Variants in DDB1 observed in about 807,000 individuals in gnomAD.
DDB1 encodes the protein damage specific DNA binding protein 1.
A neutral mutation model predicts 133.1 loss-of-function variants in DDB1; 18 were observed. The observed-to-expected ratio is 0.14, with a 90% CI of 0.09 to 0.20. The LOEUF is 0.20. Among genes scored for constraint, DDB1 ranks in the 10% least tolerant of loss-of-function variants. The probability of loss-of-function intolerance (pLI) is 1.00; values close to 1 mark genes in which losing one functional copy is unlikely to be tolerated. For synonymous variants in DDB1, 580 were observed against 550.5 expected, an observed-to-expected ratio of 1.05 and a Z score of -0.75; for missense variants, 828 against 1,459.2, an observed-to-expected ratio of 0.57 and a Z score of 7.05.
chr11:61,316,321 G>C lies in DDB1; in HGVS notation c.1374C>G (p.Phe458Leu), dbSNP rs1348060698. The change falls in exon 12 of 27, where the codon TTC becomes TTG. Residue 458 changes from phenylalanine to leucine, a missense_variant. Physicochemically the swap from Phe to Leu is conservative, Grantham distance 22. Transcript: ENST00000301764. ...LMGFVDDQQT[F>L]FCGNVAHQQL... is the part of the protein sequence containing the mutation. ...GCTGATGAGCCACGTTGCCACAGAAGAAAGTCTGCTGATCATCCACGAAAC... is the reference window on the plus strand; with the variant it reads ...GCTGATGAGCCACGTTGCCACAGAACAAAGTCTGCTGATCATCCACGAAAC... 2 of 1,614,184 alleles carry C rather than the reference G, an allele frequency of 1.2e-6. No individual in the cohort carries two copies. Among genetic ancestry groups the C allele is most frequent in the South Asian group, 2.2e-5 (2 of 91,074 alleles).
intron 6 of DDB1, 109 bp downstream of exon 6, chr11:61,325,502 G>T: frequency 1.2e-6 from 1 of 857,010 alleles, no homozygotes; most frequent in Non-Finnish European, 1.8e-6. Flanking sequence ...ATAGTAAATT[G>T]TGTAACAGGC....
At position 61,304,009 on chromosome 11, in the gene DDB1, C is replaced by T. The variant is rs1473415161; in HGVS notation, c.2688G>A (p.Glu896=). 1.2e-6 allele frequency: 2 copies of T among 1,614,062 alleles called. No homozygotes were observed. Among genetic ancestry groups the T allele is most frequent in the Non-Finnish European group, 1.7e-6 (2 of 1,180,032 alleles). The part of the protein sequence containing the change: ...STVRLYEWTT[E]KELRTECNHY... ...GGTTGCACTCAGTGCGCAGCTCCTT[C>T]TCTGTTGTCCACTCATAGAGCCGCA... The change falls in exon 22 of 27, where the codon GAG becomes GAA. Residue 896 remains glutamate, a synonymous_variant. Coordinates refer to ENST00000301764, the MANE Select transcript of DDB1 (RefSeq NM_001923.5).
chr11:61,312,064 C>A lies in DDB1; in HGVS notation c.2090G>T (p.Ser697Ile). 4 of 1,614,188 alleles carry A rather than the reference C, an allele frequency of 2.5e-6. No homozygotes were observed. Among genetic ancestry groups the A allele is most frequent in the Non-Finnish European group, 3.4e-6 (4 of 1,180,042 alleles). ...ATCGATGGTGCCAATGGTGAGGGTG[C>A]TATTGTTGGCCAGCGCCAGGCTGGA... ...YPDSLALANN[S>I]TLTIGTIDEI... Residue 697 changes from serine to isoleucine, a missense_variant, in exon 17 of 27, where the codon AGC becomes ATC. Ser to Ile is a moderately radical substitution (Grantham distance 142). Coordinates refer to ENST00000301764, the MANE Select transcript of DDB1 (RefSeq NM_001923.5).
rs1284502730 is a variant in DDB1 at position 61,324,818 on chromosome 11, T to C, written c.763-681A>G. Reference sequence around the variant, plus strand: ...TAATTTATCAATATATTACTTTATATGACTTGAGCCCTGAAAACATTACAT... The same window carrying C: ...TAATTTATCAATATATTACTTTATACGACTTGAGCCCTGAAAACATTACAT... On this transcript the variant is annotated intron_variant, in intron 6 of 26. Transcript: ENST00000301764. 2.6e-5 allele frequency among the ~76,000 whole-genome samples: 4 copies of C among 152,240 alleles called. No homozygotes were observed. The East Asian group carries it at 5.8e-4, about 22-fold the overall frequency.
At position 61,316,512 on chromosome 11, in the gene DDB1, G is replaced by A; in HGVS notation, c.1281C>T (p.Leu427=). The part of the protein sequence containing the change: ...PNRETDDTLV[L]SFVGQTRVLM... ...CTTACCTTGTCTGGCCCACAAAAGA[G>A]AGCACCAAAGTGTCATCAGTCTCAC... Residue 427 remains leucine, a synonymous_variant, in exon 11 of 27, where the codon CTC becomes CTT. Transcript: ENST00000301764. 6.2e-7 allele frequency: 1 copy of A among 1,614,140 alleles called. No individual in the cohort carries two copies. The highest frequency in any genetic ancestry group is 8.5e-7 in the Non-Finnish European group (1 of 1,180,026).
intron 7 of DDB1, chr11:61,323,593 T>C (rs966218383): frequency 4.0e-6 from 1 of 248,418 alleles, no homozygotes; most frequent in African/African-American, 2.2e-5. Flanking sequence ...TTGTACTTTT[T>C]GTAGAGATGG....
chr11:61,317,304 AG>A (rs1458976033), intron 10 of DDB1, among the ~76,000 whole-genome samples: 34 of 151,576 alleles, frequency 2.2e-4, no homozygotes, highest in Admixed American at 5.9e-4. Flanking sequence ...TAGTAGAGAC[AG>A]GGTTTCACCA....
chr11:61,301,175 T>C, intron 25 of DDB1: 1 of 499,112 alleles, frequency 2.0e-6, no homozygotes, highest in Non-Finnish European at 3.5e-6. Flanking sequence ...GATCAGAGTC[T>C]ATTAATGTGA....
In DDB1 at chr11:61,302,385, C is replaced by G. The variant is rs766161677; in HGVS notation, c.3113-26G>C. ...CTGAAGAAGTGAAGGAGGCAGTGAG[C>G]TGCAGAGAGCTCAACCCCACAGCAT... On this transcript the variant is annotated intron_variant, in intron 24 of 26. Coordinates refer to ENST00000301764, the MANE Select transcript of DDB1 (RefSeq NM_001923.5). The G allele has an allele frequency of 5.6e-6, 9 of 1,609,410 alleles. No homozygotes were observed. In the South Asian group the frequency reaches 9.9e-5, roughly 18 times the overall value.
chr11:61,324,200 T>C, intron 6 of DDB1, 63 bp from the exon 7 acceptor site: 1 of 1,588,320 alleles, frequency 6.3e-7, no homozygotes, highest in Non-Finnish European at 8.6e-7. Context: ...AAACAAACCC[T>C]ACTGGACCAC....
At position 61,303,558 on chromosome 11, in the gene DDB1, G is replaced by C. The variant is rs28720348; in HGVS notation, c.2832+307C>G. Among the ~76,000 whole-genome samples, 1,015 of 152,128 alleles carry C rather than the reference G, an allele frequency of 6.7e-3. 12 individuals are homozygous for C. Among genetic ancestry groups the C allele is most frequent in the African/African-American group, 0.024 (981 of 41,486 alleles). On this transcript the variant is annotated intron_variant, in intron 22 of 26. Coordinates refer to ENST00000301764, the MANE Select transcript of DDB1 (RefSeq NM_001923.5). ...CAAAAATTAGCCAGGCGTGTTGGCA[G>C]GTGCCTGTAGTCCCAGCTACTCGTA...
At chr11:61,303,524 T>C (rs574045797) in intron 22 of DDB1, among the ~76,000 whole-genome samples, 9 of 151,864 alleles carry the variant, frequency 5.9e-5, no homozygotes, top group Non-Finnish European at 1.0e-4. Flanking sequence ...CCGTCTCTAC[T>C]AAAAATACCA....
intron 9 of DDB1, 24 bp from the exon 10 acceptor site, chr11:61,321,721 A>G (rs778293178): frequency 1.2e-6 from 2 of 1,607,926 alleles, no homozygotes; most frequent in African/African-American, 1.3e-5. Context: ...AAACGTTTCT[A>G]AAGAACCCCC....
At chr11:61,316,796 A>G (rs1329486410) in intron 10 of DDB1, among the ~76,000 whole-genome samples, 2 of 150,544 alleles carry the variant, frequency 1.3e-5, no homozygotes, top group Non-Finnish European at 3.0e-5. Flanking sequence ...TGGTGGCACA[A>G]AACTATAGTC....
chr11:61,323,151 A>G, intron 7 of DDB1, 57 bp from the exon 8 acceptor site: 1 of 1,382,616 alleles, frequency 7.2e-7, no homozygotes, highest in South Asian at 1.2e-5. Context: ...TGGGATCCAG[A>G]TACTACCCAC....
At chr11:61,325,020 T>C (rs1346186528) in intron 6 of DDB1, among the ~76,000 whole-genome samples, 2 of 152,054 alleles carry the variant, frequency 1.3e-5, no homozygotes, top group Non-Finnish European at 2.9e-5. Context: ...TGATGGCACA[T>C]GCCTGTAATC....
chr11:61,308,390 A>C (rs1461235702), intron 21 of DDB1, among the ~76,000 whole-genome samples: 1 of 152,050 alleles, frequency 6.6e-6, no homozygotes, highest in Non-Finnish European at 1.5e-5. Flanking sequence ...CCCACTTCCC[A>C]CATTCATCCT....
chr11:61,309,711 C>T (rs1036172814), intron 20 of DDB1, 85 bp downstream of exon 20: 52 of 1,443,760 alleles, frequency 3.6e-5, no homozygotes, highest in Non-Finnish European at 6.6e-6. Context: ...TACTGCTTAA[C>T]TGAGGCTCTC....
chr11:61,326,308 T>G (rs1023925625), intron 5 of DDB1: 2 of 231,768 alleles, frequency 8.6e-6, no homozygotes, highest in Non-Finnish European at 1.7e-5. Context: ...ATTGCTCCCT[T>G]TCAGTTTTTT....
Sources: allele counts gnomAD v4.1 joint callset (sites outside exome capture counted in the v4.1 genomes callset), GRCh38; gene constraint gnomAD v4.1.1; transcripts MANE v1.5; gene names NCBI Gene and HGNC (gene_info 2026-07-23, HGNC 2026-07-21).